The following KCNIP4 variants were observed in gnomAD, a reference collection of about 807,000 sequenced individuals.
KCNIP4 encodes Kv channel-interacting protein 4.
In KCNIP4, 12 loss-of-function variants were observed where a neutral mutation model predicts 34.0. That is an observed-to-expected ratio of 0.35 (90% CI 0.23 to 0.57). The LOEUF is 0.57. Among genes scored for constraint, KCNIP4 ranks in the 20% least tolerant of loss-of-function variants. The probability of loss-of-function intolerance (pLI) is 0.83; values close to 1 mark genes in which losing one functional copy is unlikely to be tolerated. For synonymous variants in KCNIP4, 124 were observed against 102.2 expected (o/e 1.21, Z -1.29); for missense variants, 238 against 311.7 (o/e 0.76, Z 1.78).
intron 1 of KCNIP4, among the ~76,000 whole-genome samples, chr4:21,933,603 C>G (rs986609883): frequency 3.9e-5 from 6 of 152,052 alleles, no homozygotes; most frequent in African/African-American, 1.2e-4. Flanking sequence ...TGCTAGCCAT[C>G]TGTGAGGACA....
chr4:21,434,049 C>T (rs1351596375), intron 1 of KCNIP4, among the ~76,000 whole-genome samples: 1 of 152,116 alleles, frequency 6.6e-6, no homozygotes, highest in Non-Finnish European at 1.5e-5. Context: ...TTATTCCAGG[C>T]TCTCAGCTCA....
intron 3 of KCNIP4, among the ~76,000 whole-genome samples, chr4:20,830,453 C>T (rs983944319): frequency 1.3e-5 from 2 of 152,004 alleles, no homozygotes; most frequent in Non-Finnish European, 2.9e-5. Context: ...TTTCTTATAC[C>T]TTCTGCATGT....
intron 1 of KCNIP4, among the ~76,000 whole-genome samples, chr4:21,552,817 A>G (rs2109018391): frequency 6.6e-6 from 1 of 152,250 alleles, no homozygotes; most frequent in East Asian, 1.9e-4. Flanking sequence ...CACAAAGTTA[A>G]GAAGAAGGAG....
intron 2 of KCNIP4, among the ~76,000 whole-genome samples, chr4:20,876,175 A>T (rs1215445667): frequency 6.6e-6 from 1 of 152,200 alleles, no homozygotes; most frequent in East Asian, 1.9e-4. Flanking sequence ...AAATGTGAAC[A>T]CATACAAATA....
intron 2 of KCNIP4, among the ~76,000 whole-genome samples, chr4:20,858,067 C>T (rs1415134720): frequency 2.6e-5 from 4 of 151,514 alleles, no homozygotes; most frequent in Non-Finnish European, 4.4e-5. Flanking sequence ...AAAAATTAGG[C>T]GGGTGTTGTG....
intron 1 of KCNIP4, among the ~76,000 whole-genome samples, chr4:21,638,083 A>C (rs1250239515): frequency 6.6e-6 from 1 of 152,174 alleles, no homozygotes; most frequent in Non-Finnish European, 1.5e-5. Flanking sequence ...GTACTTTTGG[A>C]GGTTCAAAAG....
intron 1 of KCNIP4, among the ~76,000 whole-genome samples, chr4:21,394,807 G>C (rs953961056): frequency 1.3e-5 from 2 of 151,948 alleles, no homozygotes; most frequent in African/African-American, 4.8e-5. Context: ...TTAATTCAGG[G>C]TGTACATTTT....
intron 1 of KCNIP4, among the ~76,000 whole-genome samples, chr4:20,901,806 AG>A (rs1370269142): frequency 6.6e-6 from 1 of 152,076 alleles, no homozygotes; most frequent in African/African-American, 2.4e-5. Flanking sequence ...GAGTACCCAG[AG>A]TGGTCACACA....
Position 21,396,983 on chromosome 4 carries a change from T to C in KCNIP4, c.62-514274A>G, listed in dbSNP as rs142558471. Among the ~76,000 whole-genome samples the C allele has an allele frequency of 2.0e-3, 299 of 152,246 alleles. 5 individuals carry two copies. In the East Asian group the frequency reaches 0.04, roughly 20 times the overall value. On this transcript the variant is annotated intron_variant, in intron 1 of 8. Transcript: ENST00000382152. ...TGGTGGAAATTTATTATAGCTACAA[T>C]AGGAAACCAACAGAATCTCACAACA...
At chr4:21,305,312 C>A (rs989765736) in intron 1 of KCNIP4, among the ~76,000 whole-genome samples, 3 of 152,158 alleles carry the variant, frequency 2.0e-5, no homozygotes, top group African/African-American at 7.2e-5. Context: ...CTCTTACTAG[C>A]TGTGTGACCT....
intron 3 of KCNIP4, among the ~76,000 whole-genome samples, chr4:20,846,596 C>A (rs767727840): frequency 1.7e-4 from 26 of 152,096 alleles, no homozygotes; most frequent in Non-Finnish European, 3.2e-4. Flanking sequence ...TAAACATCAT[C>A]CCAGTTAACT....
At chr4:20,829,482 C>A (rs146562929) in intron 3 of KCNIP4, among the ~76,000 whole-genome samples, 75 of 152,276 alleles carry the variant, frequency 4.9e-4, no homozygotes, top group African/African-American at 1.8e-3. Flanking sequence ...GTTGGGATTA[C>A]AGGCGTGAGC....
intron 1 of KCNIP4, among the ~76,000 whole-genome samples, chr4:21,181,145 G>A (rs1754807830): frequency 1.3e-5 from 2 of 152,076 alleles, no homozygotes; most frequent in Admixed American, 1.3e-4. Context: ...TATAGGTCAG[G>A]AATATCCTCC....
intron 1 of KCNIP4, among the ~76,000 whole-genome samples, chr4:21,352,106 T>C (rs1718061759): frequency 6.6e-6 from 1 of 152,178 alleles, no homozygotes; most frequent in Non-Finnish European, 1.5e-5. Flanking sequence ...AGATATTTTA[T>C]CTTGTTTTAT....
chr4:21,869,769 GAT>G (rs1324488369), intron 1 of KCNIP4, among the ~76,000 whole-genome samples: 20 of 151,434 alleles, frequency 1.3e-4, no homozygotes, highest in African/African-American at 4.9e-4. Context: ...TAGATAGATA[GAT>G]AGATAGATAG....
At chr4:21,250,456 A>G (rs962622) in intron 1 of KCNIP4, among the ~76,000 whole-genome samples, 38,970 of 152,022 alleles carry the variant, frequency 0.26, 9,737 homozygotes, top group African/African-American at 0.65. Flanking sequence ...TCACTAAAAA[A>G]TCCCTGTCTC....
intron 3 of KCNIP4, among the ~76,000 whole-genome samples, chr4:20,820,731 G>A (rs909092804): frequency 6.6e-6 from 1 of 152,176 alleles, no homozygotes; most frequent in African/African-American, 2.4e-5. Context: ...AGAGCAGAAT[G>A]GGTTCAAAGG....
intron 1 of KCNIP4, among the ~76,000 whole-genome samples, chr4:21,905,076 C>A (rs1332484511): frequency 6.6e-6 from 1 of 152,150 alleles, no homozygotes; most frequent in African/African-American, 2.4e-5. Context: ...AGTAAAGAAA[C>A]TGCTCAAAGA....
chr4:20,760,877 G>T (rs1452259439), intron 3 of KCNIP4, among the ~76,000 whole-genome samples: 1 of 152,176 alleles, frequency 6.6e-6, no homozygotes, highest in African/African-American at 2.4e-5. Flanking sequence ...TGTGATGGTT[G>T]ATTTTATGTG....
Sources: gnomAD v4.1 joint callset for allele counts (sites outside exome capture counted in the v4.1 genomes callset) on GRCh38, gnomAD v4.1.1 for gene constraint, MANE v1.5 for transcripts, NCBI Gene and HGNC (gene_info 2026-07-23, HGNC 2026-07-21) for gene names.